PPP2R5E: variants seen among roughly 807,000 people sequenced by gnomAD.
The protein encoded by PPP2R5E is protein phosphatase 2 regulatory subunit B'epsilon.
PPP2R5E carries 4 observed loss-of-function variants against 65.3 expected under a neutral mutation model. The ratio of observed to expected loss-of-function variants is 0.06; its 90% confidence interval spans 0.03 to 0.14. The LOEUF is 0.14. Ranked by LOEUF, PPP2R5E falls within the 10% of genes least tolerant of loss-of-function variation. The probability of loss-of-function intolerance (pLI) is 1.00; values close to 1 mark genes in which losing one functional copy is unlikely to be tolerated. For missense variants in PPP2R5E, 274 were observed against 556.1 expected (o/e 0.49, Z 5.10); for synonymous variants, 183 against 187.4 (o/e 0.98, Z 0.19).
intron 2 of PPP2R5E, among the ~76,000 whole-genome samples, chr14:63,532,654 G>A (rs1893484199): frequency 6.6e-6 from 1 of 152,034 alleles, no homozygotes; most frequent in African/African-American, 2.4e-5. Flanking sequence ...CACATCTATT[G>A]ACTATTAACG....
chr14:63,378,854 T>C (rs1369979828), intron 13 of PPP2R5E, among the ~76,000 whole-genome samples: 1 of 152,188 alleles, frequency 6.6e-6, no homozygotes, highest in Non-Finnish European at 1.5e-5. Flanking sequence ...ACCATTAACT[T>C]CTTGCCATCC....
At chr14:63,386,465 A>G (rs1015169533) in intron 11 of PPP2R5E, among the ~76,000 whole-genome samples, 1 of 152,164 alleles carries the variant, frequency 6.6e-6, no homozygotes, top group Non-Finnish European at 1.5e-5. Context: ...TGTTATCCCT[A>G]AAGAGTTCGC....
intron 1 of PPP2R5E, among the ~76,000 whole-genome samples, chr14:63,540,487 G>A (rs1350225396): frequency 1.3e-5 from 2 of 149,490 alleles, no homozygotes; most frequent in Non-Finnish European, 3.0e-5. Flanking sequence ...TCCCAAGGCG[G>A]GCAGATAACT....
chr14:63,498,749 T>C (rs1408892444), intron 2 of PPP2R5E, among the ~76,000 whole-genome samples: 1 of 152,048 alleles, frequency 6.6e-6, no homozygotes, highest in East Asian at 1.9e-4. Flanking sequence ...TAGTCACAAA[T>C]CCCTATATAC....
chr14:63,437,378 A>G (rs975739173), intron 3 of PPP2R5E, among the ~76,000 whole-genome samples: 6 of 151,926 alleles, frequency 3.9e-5, no homozygotes. Flanking sequence ...CTATGGACTC[A>G]CCCCAAATTC....
At position 63,467,729 on chromosome 14, in the gene PPP2R5E, G is replaced by GT. The variant is rs374535910; in HGVS notation, c.158-13845dup. Among the ~76,000 whole-genome samples the GT allele has an allele frequency of 1.3e-3, 195 of 152,362 alleles. 1 individual carries two copies. The highest frequency in any genetic ancestry group is 2.3e-3 in the Non-Finnish European group (158 of 68,034). Reference sequence around the variant, plus strand: ...ATAATTGGGAACTTGAAAAAGAAATGTAAGCCCATTCTGCATTCTTCCAGA... The same window carrying GT: ...ATAATTGGGAACTTGAAAAAGAAATGTTAAGCCCATTCTGCATTCTTCCAGA... On this transcript the variant is annotated intron_variant, in intron 2 of 13. Coordinates refer to ENST00000337537, the MANE Select transcript of PPP2R5E (RefSeq NM_006246.5).
intron 2 of PPP2R5E, among the ~76,000 whole-genome samples, chr14:63,460,866 T>C (rs921735491): frequency 6.6e-5 from 10 of 152,054 alleles, no homozygotes; most frequent in African/African-American, 2.2e-4. Flanking sequence ...TCAGAAGAAA[T>C]AGAAAATATA....
intron 2 of PPP2R5E, among the ~76,000 whole-genome samples, chr14:63,535,614 A>G (rs2139769012): frequency 7.7e-6 from 1 of 130,202 alleles, no homozygotes; most frequent in Admixed American, 6.9e-5. Context: ...TGAGCATTCA[A>G]AAATGACATA....
intron 2 of PPP2R5E, among the ~76,000 whole-genome samples, chr14:63,471,829 C>G (rs898479482): frequency 6.6e-5 from 10 of 152,118 alleles, no homozygotes; most frequent in African/African-American, 2.4e-4. Context: ...ATATCTACAA[C>G]GTACACTGGA....
At chr14:63,454,791 C>T (rs1429584659) in intron 2 of PPP2R5E, among the ~76,000 whole-genome samples, 2 of 152,204 alleles carry the variant, frequency 1.3e-5, no homozygotes, top group Non-Finnish European at 2.9e-5. Flanking sequence ...TGGAGCTTCC[C>T]TGGAGAAGCA....
chr14:63,522,860 G>T (rs1456307412), intron 2 of PPP2R5E, among the ~76,000 whole-genome samples: 4 of 145,916 alleles, frequency 2.7e-5, no homozygotes, highest in African/African-American at 1.0e-4. Flanking sequence ...GAGGGAGGTG[G>T]GGGGGGTCAG....
At chr14:63,510,114 A>G (rs1284048352) in intron 2 of PPP2R5E, among the ~76,000 whole-genome samples, 1 of 152,264 alleles carries the variant, frequency 6.6e-6, no homozygotes, top group African/African-American at 2.4e-5. Flanking sequence ...TAAAGTCATC[A>G]AATTAAAATT....
intron 2 of PPP2R5E, among the ~76,000 whole-genome samples, chr14:63,476,692 G>C (rs1566731606): frequency 6.6e-6 from 1 of 152,188 alleles, no homozygotes; most frequent in Middle Eastern, 3.4e-3. Context: ...TACCAGCACA[G>C]AGAACCCTAT....
chr14:63,449,468 C>A (rs1888689135), intron 3 of PPP2R5E, among the ~76,000 whole-genome samples: 1 of 152,128 alleles, frequency 6.6e-6, no homozygotes, highest in Non-Finnish European at 1.5e-5. Flanking sequence ...CCTCACAAAA[C>A]CCCCCAAAGA....
rs1455467133 is a variant in PPP2R5E, at chr14:63,371,396, C to G, written c.*4613G>C. 2 of 152,210 alleles carry G rather than the reference C, an allele frequency of 1.3e-5. No homozygotes were observed. Among genetic ancestry groups the G allele is most frequent in the East Asian group, 3.8e-4 (2 of 5,196 alleles). 9.4% of individuals were successfully genotyped at this position (152,210 alleles called of 1,614,324 possible). On this transcript the variant is annotated 3_prime_UTR_variant, in exon 14 of 14. Coordinates refer to ENST00000337537, the MANE Select transcript of PPP2R5E (RefSeq NM_006246.5). ...CACTGCTTCTTTATTATGATGCACC[C>G]ACAGTACAGAACCTCTCACACATCT...
chr14:63,450,790 G>C (rs1326073438), intron 3 of PPP2R5E, among the ~76,000 whole-genome samples: 1 of 150,896 alleles, frequency 6.6e-6, no homozygotes, highest in South Asian at 2.1e-4. Flanking sequence ...AAAAAAAAAG[G>C]AGCAAATGAA....
intron 2 of PPP2R5E, among the ~76,000 whole-genome samples, chr14:63,533,400 A>G (rs898882553): frequency 4.6e-5 from 7 of 151,764 alleles, no homozygotes; most frequent in African/African-American, 1.7e-4. Context: ...CATCTCTACT[A>G]AAAATACAAA....
At chr14:63,439,599 C>G (rs1316421707) in intron 3 of PPP2R5E, among the ~76,000 whole-genome samples, 1 of 152,186 alleles carries the variant, frequency 6.6e-6, no homozygotes, top group African/African-American at 2.4e-5. Context: ...GTCTCGAACT[C>G]CGGACCTCAG....
intron 2 of PPP2R5E, among the ~76,000 whole-genome samples, chr14:63,531,765 C>A (rs1407253629): frequency 6.6e-6 from 1 of 151,944 alleles, no homozygotes; most frequent in East Asian, 1.9e-4. Flanking sequence ...ACCAGCCTGA[C>A]CAACATGGTG....
Sources: allele counts gnomAD v4.1 joint callset (sites outside exome capture counted in the v4.1 genomes callset), GRCh38; gene constraint gnomAD v4.1.1; transcripts MANE v1.5; gene names NCBI Gene and HGNC (gene_info 2026-07-23, HGNC 2026-07-21).